PCDH11Y: variants seen among roughly 807,000 people sequenced by gnomAD.
PCDH11Y encodes protocadherin-11 Y-linked.
For synonymous variants in PCDH11Y, 9 were observed against 83.6 expected (o/e 0.11, Z 4.87); for missense variants, 12 against 224.8 (o/e 0.05, Z 6.05).
At chrY:5,139,791 G>C in intron 2 of PCDH11Y, among the ~76,000 whole-genome samples, 1 of 20,660 alleles carries the variant, frequency 4.8e-5, no homozygotes, top group Non-Finnish European at 1.0e-4. Context: ...TGGATGGGTA[G>C]AATCAATATT....
At chrY:5,398,262 A>G in intron 2 of PCDH11Y, among the ~76,000 whole-genome samples, 1 of 30,784 alleles carries the variant, frequency 3.2e-5, no homozygotes, top group Non-Finnish European at 7.8e-5. Flanking sequence ...TTCAGATTTT[A>G]TACAATTACA....
intron 3 of PCDH11Y, among the ~76,000 whole-genome samples, chrY:5,525,943 C>G (rs1602938201): frequency 8.5e-4 from 24 of 28,358 alleles, no homozygotes; most frequent in South Asian, 2.5e-3. Flanking sequence ...CTCTCTCTCT[C>G]TGTGTGTGTG....
intron 1 of PCDH11Y, among the ~76,000 whole-genome samples, chrY:5,028,510 G>T: frequency 3.1e-5 from 1 of 32,602 alleles, no homozygotes; most frequent in Non-Finnish European, 7.5e-5. Context: ...GTGGCTGAAA[G>T]CCCATAATTC....
intron 4 of PCDH11Y, among the ~76,000 whole-genome samples, chrY:5,613,125 C>T: frequency 3.1e-5 from 1 of 31,888 alleles, no homozygotes. Flanking sequence ...CTCGGCCTCC[C>T]AAAGTGCTAG....
intron 1 of PCDH11Y, among the ~76,000 whole-genome samples, chrY:5,027,009 C>T: frequency 3.1e-5 from 1 of 32,627 alleles, no homozygotes. Flanking sequence ...CTGTAATCTT[C>T]GTACTTTGGG....
At chrY:5,311,074 T>TA (rs2053098930) in intron 2 of PCDH11Y, among the ~76,000 whole-genome samples, 1 of 32,248 alleles carries the variant, frequency 3.1e-5, no homozygotes, top group Non-Finnish European at 7.5e-5. Flanking sequence ...CTATTGAAGA[T>TA]AAAAAAACTA....
chrY:5,082,926 C>T (rs2052723417), intron 1 of PCDH11Y, among the ~76,000 whole-genome samples: 1 of 31,214 alleles, frequency 3.2e-5, no homozygotes, highest in Admixed American at 2.9e-4. Flanking sequence ...TCCTCCCAGT[C>T]GAAACCTTCC....
chrY:5,442,767 TA>T (rs2053283647), intron 2 of PCDH11Y, among the ~76,000 whole-genome samples: 1 of 32,262 alleles, frequency 3.1e-5, no homozygotes, highest in African/African-American at 1.2e-4. Flanking sequence ...ATTAAAAGTA[TA>T]AAAAGGGAGT....
chrY:5,427,845 C>T (rs2053265185), intron 2 of PCDH11Y, among the ~76,000 whole-genome samples: 2 of 32,863 alleles, frequency 6.1e-5, no homozygotes, highest in Non-Finnish European at 7.5e-5. Flanking sequence ...TTCTGAGCAA[C>T]GCATTGTTAG....
chrY:5,039,590 A>G, intron 3 of PCDH11Y, among the ~76,000 whole-genome samples: 2 of 33,530 alleles, frequency 6.0e-5, no homozygotes, highest in Non-Finnish European at 1.5e-4. Flanking sequence ...CATATTTTGT[A>G]CTCTGTGACA....
chrY:5,484,531 A>G, intron 2 of PCDH11Y, among the ~76,000 whole-genome samples: 1 of 33,725 alleles, frequency 3.0e-5, no homozygotes, highest in South Asian at 6.6e-4. Flanking sequence ...TTTTAAAATA[A>G]TCATATATTC....
downstream of PCDH11Y, among the ~76,000 whole-genome samples, chrY:5,102,766 A>G (rs1248491871): frequency 3.0e-5 from 1 of 33,246 alleles, no homozygotes; most frequent in Non-Finnish European, 7.5e-5. Context: ...GAATTAGTCA[A>G]AATACAAAAA....
At chrY:5,463,850 C>T in intron 2 of PCDH11Y, among the ~76,000 whole-genome samples, 2 of 33,270 alleles carry the variant, frequency 6.0e-5, no homozygotes, top group Non-Finnish European at 7.4e-5. Context: ...TCCACTTTCA[C>T]TTCAGTATTC....
Position 5,682,889 on chromosome Y carries a change from G to A in PCDH11Y, c.3353-54383G>A, listed in dbSNP as rs1602959583. On this transcript the variant is annotated intron_variant, in intron 4 of 4. Coordinates refer to the PCDH11Y transcript ENST00000400457. ...CATCAACACCAAACCTATCCTACAT[G>A]AAATGCTGAAAGGTGTTTTTCAGTT... is the stretch of plus-strand genomic sequence containing the variant. Among the ~76,000 whole-genome samples the A allele has an allele frequency of 9.3e-5, 3 of 32,368 alleles. No homozygotes were observed. In the East Asian group the frequency reaches 2.4e-3, roughly 26 times the overall value. The allele number at this position is 32,368 out of a possible 37,273, so 86.8% of individuals were successfully genotyped here.
chrY:5,256,764 G>A (rs2124657565), intron 2 of PCDH11Y, among the ~76,000 whole-genome samples: 4 of 32,735 alleles, frequency 1.2e-4, no homozygotes, highest in South Asian at 6.8e-4. Flanking sequence ...TCAGTTCTTC[G>A]GTTAGGTTAA....
intron 1 of PCDH11Y, among the ~76,000 whole-genome samples, chrY:5,061,179 G>GA (rs2052674861): frequency 2.2e-4 from 7 of 32,182 alleles, no homozygotes; most frequent in Admixed American, 2.0e-3. Flanking sequence ...ACTCTTTAAA[G>GA]AAAAAAAATC....
chrY:5,102,782 A>G, downstream of PCDH11Y, among the ~76,000 whole-genome samples: 1 of 33,214 alleles, frequency 3.0e-5, no homozygotes, highest in Non-Finnish European at 7.5e-5. Flanking sequence ...AAAAAAGTAA[A>G]TGCTAATGAG....
chrY:5,012,408 G>A, intron 1 of PCDH11Y, among the ~76,000 whole-genome samples: 2 of 31,388 alleles, frequency 6.4e-5, no homozygotes, highest in Non-Finnish European at 7.7e-5. Context: ...GGAGGAAGAC[G>A]GAGCAGGTGC....
chrY:5,687,668 G>A (rs2124710332), intron 4 of PCDH11Y, among the ~76,000 whole-genome samples: 1 of 30,481 alleles, frequency 3.3e-5, no homozygotes, highest in Non-Finnish European at 7.8e-5. Flanking sequence ...TCAATATTCA[G>A]AATAATTAGA....
Sources: gnomAD v4.1 joint callset for allele counts (sites outside exome capture counted in the v4.1 genomes callset) on GRCh38, gnomAD v4.1.1 for gene constraint, MANE v1.5 for transcripts, NCBI Gene and HGNC (gene_info 2026-07-23, HGNC 2026-07-21) for gene names.